The following EIF4G3 variants were observed in gnomAD, a reference collection of about 807,000 sequenced individuals.
The protein encoded by EIF4G3 is eukaryotic translation initiation factor 4 gamma 3, also known as eIF-4-gamma 3.
A neutral mutation model predicts 186.4 loss-of-function variants in EIF4G3; 34 were observed. The ratio of observed to expected loss-of-function variants is 0.18; its 90% CI spans 0.14 to 0.24. The LOEUF (loss-of-function observed/expected upper bound fraction) is 0.24, where lower values mean the gene tolerates loss of function less well. Among genes scored for constraint, EIF4G3 ranks in the 10% least tolerant of loss-of-function variants. The pLI is 1.00. For missense variants in EIF4G3, 1,536 were observed against 1,948.5 expected (o/e 0.79, Z 3.99); for synonymous variants, 673 against 679.5 (o/e 0.99, Z 0.15).
intron 7 of EIF4G3, among the ~76,000 whole-genome samples, chr1:20,986,744 C>CAAAAAAA (rs61255473): frequency 0.013 from 856 of 66,290 alleles, 113 homozygotes; most frequent in East Asian, 0.035. Context: ...GCTCTGTCTC[C>CAAAAAAA]AAAAAAAAAA....
At chr1:21,086,588 C>T (rs993070107) in intron 3 of EIF4G3, among the ~76,000 whole-genome samples, 1 of 152,006 alleles carries the variant, frequency 6.6e-6, no homozygotes, top group East Asian at 1.9e-4. Context: ...CTCTTCCTTT[C>T]GCATGCAATT....
At chr1:20,996,463 T>A (rs1361606822) in intron 7 of EIF4G3, among the ~76,000 whole-genome samples, 1 of 152,220 alleles carries the variant, frequency 6.6e-6, no homozygotes, top group Non-Finnish European at 1.5e-5. Context: ...AAAGTACCTT[T>A]AATAACTCAG....
At chr1:20,908,942 G>A (rs1278988671) in intron 14 of EIF4G3, among the ~76,000 whole-genome samples, 1 of 152,186 alleles carries the variant, frequency 6.6e-6, no homozygotes, top group Non-Finnish European at 1.5e-5. Context: ...TTGAGGTCAA[G>A]AGTTCGAGAC....
intron 3 of EIF4G3, among the ~76,000 whole-genome samples, chr1:21,079,332 T>C (rs2095688166): frequency 2.0e-5 from 3 of 152,014 alleles, no homozygotes. Flanking sequence ...AACAAAGCTT[T>C]AGGGTAAAAG....
chr1:20,892,315 C>T (rs1572298597), intron 18 of EIF4G3, among the ~76,000 whole-genome samples: 1 of 152,296 alleles, frequency 6.6e-6, no homozygotes, highest in Non-Finnish European at 1.5e-5. Context: ...AAGAGACATT[C>T]AACATCATTG....
At chr1:21,070,499 A>C (rs2095410952) in intron 3 of EIF4G3, among the ~76,000 whole-genome samples, 1 of 152,206 alleles carries the variant, frequency 6.6e-6, no homozygotes, top group Non-Finnish European at 1.5e-5. Flanking sequence ...AGATCTTTCC[A>C]AGTCAATAAA....
intron 2 of EIF4G3, among the ~76,000 whole-genome samples, chr1:21,163,631 T>C (rs562515591): frequency 5.9e-5 from 9 of 152,380 alleles, no homozygotes; most frequent in South Asian, 4.1e-4. Context: ...GGAAAGTCTT[T>C]ATCCAAAACA....
chr1:20,989,776 A>G (rs1259025186), intron 7 of EIF4G3, among the ~76,000 whole-genome samples: 1 of 152,208 alleles, frequency 6.6e-6, no homozygotes. Context: ...CTAGTTGATA[A>G]AGCAGCAGCA....
chr1:20,888,305 T>A (rs991392069), intron 18 of EIF4G3, among the ~76,000 whole-genome samples: 26 of 152,274 alleles, frequency 1.7e-4, no homozygotes, highest in African/African-American at 6.3e-4. Flanking sequence ...TGATAAATTG[T>A]TAGTCCAGGA....
intron 29 of EIF4G3, among the ~76,000 whole-genome samples, chr1:20,844,916 TTGTC>T (rs1483099400): frequency 1.3e-5 from 2 of 152,116 alleles, no homozygotes; most frequent in Non-Finnish European, 2.9e-5. Context: ...ATTCTGTAAG[TTGTC>T]TGTTTATTCT....
chr1:20,977,908 G>T (rs990762730), intron 10 of EIF4G3, among the ~76,000 whole-genome samples: 2 of 152,112 alleles, frequency 1.3e-5, no homozygotes, highest in Non-Finnish European at 2.9e-5. Context: ...GAAATTTAAT[G>T]ATGACATTTT....
At chr1:20,949,367 ATTCC>A (rs1036174910) in intron 13 of EIF4G3, among the ~76,000 whole-genome samples, 1 of 152,216 alleles carries the variant, frequency 6.6e-6, no homozygotes, top group Non-Finnish European at 1.5e-5. Context: ...TTAGTGTACT[ATTCC>A]TTAATACAGC....
At chr1:20,851,120 T>C in intron 28 of EIF4G3, 138 bp downstream of exon 28, 3 of 721,026 alleles carry the variant, frequency 4.2e-6, no homozygotes, top group Non-Finnish European at 2.3e-6. Context: ...AACTATGAAG[T>C]ACCCTTTAAC....
chr1:21,102,674 G>T (rs987042787), intron 2 of EIF4G3, among the ~76,000 whole-genome samples: 1 of 151,968 alleles, frequency 6.6e-6, no homozygotes, highest in Admixed American at 6.6e-5. Context: ...CTTGACTCTT[G>T]TCATCTCTTC....
In EIF4G3 at chr1:20,810,187, G is replaced by A. The variant is rs1250179877; in HGVS notation, c.4744+551C>T. 2.0e-5 allele frequency among the ~76,000 whole-genome samples: 3 copies of A among 149,518 alleles called. No homozygotes were observed. Among genetic ancestry groups the A allele is most frequent in the Admixed American group, 1.3e-4 (2 of 14,992 alleles). On this transcript the variant is annotated intron_variant, in intron 36 of 36. Transcript: ENST00000602326. This position sits in a 1 kb window ranked among gnomAD's most constrained non-coding sequence, Gnocchi z 4.1. The stretch of plus-strand genomic sequence containing the variant: ...TTTTTTTTTTTTGAGATAGAGTCTC[G>A]CTCTGTCGCCAGGCTGGAGTGCAGT...
At chr1:20,828,029 G>GT (rs67354523) in intron 31 of EIF4G3, among the ~76,000 whole-genome samples, 5,369 of 127,282 alleles carry the variant, frequency 0.042, 237 homozygotes, top group African/African-American at 0.093. Flanking sequence ...CTTTTATAAA[G>GT]TTTTTTTTTT....
At position 20,857,467 on chromosome 1, in the gene EIF4G3, T is replaced by C; in HGVS notation, c.3275A>G (p.Asn1092Ser). 4 of 1,614,136 alleles carry C rather than the reference T, an allele frequency of 2.5e-6. No homozygotes were observed. Among genetic ancestry groups the C allele is most frequent in the Non-Finnish European group, 3.4e-6 (4 of 1,180,024 alleles). Residue 1092 changes from asparagine (N) to serine (S), a missense_variant, in exon 25 of 37, where the codon AAC becomes AGC. Asn to Ser is a conservative substitution (Grantham distance 46, BLOSUM62 1). Transcript: ENST00000602326. ...GVQRVDEGGW[N>S]TVQGAKNSRV... ...ACTGTTCTTGGCCCCTTGTACAGTGTTCCACCCACCTTCGTCCACTCTCTG... is the reference window on the plus strand; with the variant it reads ...ACTGTTCTTGGCCCCTTGTACAGTGCTCCACCCACCTTCGTCCACTCTCTG...
chr1:20,807,592 G>A, intron 36 of EIF4G3, 92 bp from the exon 37 acceptor site: 1 of 1,147,910 alleles, frequency 8.7e-7, no homozygotes, highest in Non-Finnish European at 1.2e-6. Flanking sequence ...CTGAATAAAT[G>A]TGCATTAATT....
At chr1:21,172,705 C>CG (rs1211959144) in intron 2 of EIF4G3, among the ~76,000 whole-genome samples, 1 of 151,954 alleles carries the variant, frequency 6.6e-6, no homozygotes, top group Admixed American at 6.6e-5. Context: ...CCTGCCACCA[C>CG]GCCTGGCTAA....
Sources: allele counts gnomAD v4.1 joint callset (sites outside exome capture counted in the v4.1 genomes callset), GRCh38; gene constraint gnomAD v4.1.1; non-coding constraint Gnocchi (gnomAD v3.1); transcripts MANE v1.5; gene names NCBI Gene and HGNC (gene_info 2026-07-23, HGNC 2026-07-21).